CFAP96: variants seen among roughly 807,000 people sequenced by gnomAD.
CFAP96 encodes the protein cilia-and flagella-associated protein 96.
At chr4:185,448,221 G>A in the CFAP96 span, among the ~76,000 whole-genome samples, 22 of 152,076 alleles carry the variant, frequency 1.4e-4, no homozygotes, top group Admixed American at 3.9e-4. Context: ...GGGTTTTGCC[G>A]TGTTGGTCAG....
At chr4:185,445,631 A>G in the CFAP96 span, 1 of 833,314 alleles carries the variant, frequency 1.2e-6, no homozygotes, top group Non-Finnish European at 1.9e-6. Flanking sequence ...GGTATCTTAA[A>G]ACTTCAATTT....
chr4:185,426,996 G>A, the CFAP96 span, among the ~76,000 whole-genome samples: 5 of 151,650 alleles, frequency 3.3e-5, no homozygotes, highest in East Asian at 3.9e-4. Flanking sequence ...CCCGGGAGGC[G>A]GAGGCTGCAG....
chr4:185,448,059 C>T, the CFAP96 span, among the ~76,000 whole-genome samples: 1 of 152,092 alleles, frequency 6.6e-6, no homozygotes, highest in Non-Finnish European at 1.5e-5. Flanking sequence ...TCACTCTTGT[C>T]ACCCAGGCTG....
chr4:185,439,945 C>A, the CFAP96 span, among the ~76,000 whole-genome samples: 1 of 142,534 alleles, frequency 7.0e-6, no homozygotes, highest in Admixed American at 7.0e-5. Flanking sequence ...ATATATGTAT[C>A]ATATATATGA....
the CFAP96 span, among the ~76,000 whole-genome samples, chr4:185,449,237 G>T: frequency 1.3e-5 from 2 of 152,126 alleles, no homozygotes; most frequent in Non-Finnish European, 2.9e-5. Context: ...AGAATGTACA[G>T]ATAGGCTGGG....
chr4:185,448,932 C>T, the CFAP96 span, among the ~76,000 whole-genome samples: 3 of 151,840 alleles, frequency 2.0e-5, no homozygotes, highest in East Asian at 1.9e-4. Flanking sequence ...TTTTATCTTC[C>T]GTTTAGTAAT....
chr4:185,429,288 T>G, the CFAP96 span: 14 of 544,538 alleles, frequency 2.6e-5, no homozygotes, highest in Non-Finnish European at 4.4e-5. Flanking sequence ...AGTAACCACT[T>G]TTTTCTAAAC....
chr4:185,417,765 C>T, the CFAP96 span, among the ~76,000 whole-genome samples: 4 of 152,110 alleles, frequency 2.6e-5, no homozygotes, highest in Non-Finnish European at 5.9e-5. Flanking sequence ...CAGAACCAGC[C>T]GGGCGCGGTG....
At chr4:185,413,292 G>A in the CFAP96 span, among the ~76,000 whole-genome samples, 1 of 152,180 alleles carries the variant, frequency 6.6e-6, no homozygotes, top group Non-Finnish European at 1.5e-5. Context: ...GGAGACTGAG[G>A]CAGGAGAATT....
the CFAP96 span, chr4:185,426,263 G>C: frequency 2.0e-5 from 4 of 203,804 alleles, no homozygotes; most frequent in Non-Finnish European, 4.1e-5. Context: ...CAGAGGCGCT[G>C]CGCAGCCCAG....
chr4:185,415,926 TA>T, the CFAP96 span: 1 of 1,382,150 alleles, frequency 7.2e-7, no homozygotes, highest in Non-Finnish European at 9.7e-7. Flanking sequence ...ATATAAAGAG[TA>T]AGTAAAAAGA....
At chr4:185,432,652 C>G in the CFAP96 span, among the ~76,000 whole-genome samples, 1 of 151,930 alleles carries the variant, frequency 6.6e-6, no homozygotes, top group Non-Finnish European at 1.5e-5. Context: ...TGCTTGAGGC[C>G]AGGAGTTTGA....
At chr4:185,418,346 T>C in the CFAP96 span, 2 of 956,852 alleles carry the variant, frequency 2.1e-6, no homozygotes, top group Non-Finnish European at 3.1e-6. Flanking sequence ...TTCTGACCTA[T>C]GATAAGAGGG....
chr4:185,440,599 C>G, the CFAP96 span: 1 of 1,536,594 alleles, frequency 6.5e-7, no homozygotes. Flanking sequence ...TAAATCTTCA[C>G]CCAAGGGACT....
At chr4:185,409,333 C>A in the CFAP96 span, among the ~76,000 whole-genome samples, 4 of 152,112 alleles carry the variant, frequency 2.6e-5, no homozygotes, top group African/African-American at 9.6e-5. Flanking sequence ...ATGTATATGT[C>A]TTTTTTTATT....
chr4:185,420,511 A>G, the CFAP96 span, among the ~76,000 whole-genome samples: 1 of 152,152 alleles, frequency 6.6e-6, no homozygotes, highest in South Asian at 2.1e-4. Flanking sequence ...AAAAATAAAT[A>G]AATAAACAAC....
the CFAP96 span, chr4:185,415,136 A>C: frequency 6.5e-7 from 1 of 1,546,332 alleles, no homozygotes; most frequent in Admixed American, 2.4e-5. Flanking sequence ...TTTTCTAAGA[A>C]TAGATGAACT....
At chr4:185,412,691 A>T in the CFAP96 span, among the ~76,000 whole-genome samples, 1 of 152,152 alleles carries the variant, frequency 6.6e-6, no homozygotes, top group African/African-American at 2.4e-5. Context: ...GACAGAGTAA[A>T]AGTTAAGAAC....
the CFAP96 span, among the ~76,000 whole-genome samples, chr4:185,447,388 G>T: frequency 2.6e-5 from 4 of 152,144 alleles, no homozygotes; most frequent in East Asian, 1.9e-4. Flanking sequence ...CACTGTGTTA[G>T]CCAGGATGGA....
Sources: gnomAD v4.1 joint callset for allele counts (sites outside exome capture counted in the v4.1 genomes callset) on GRCh38, gnomAD v4.1.1 for gene constraint, MANE v1.5 for transcripts, NCBI Gene and HGNC (gene_info 2026-07-23, HGNC 2026-07-21) for gene names.